WNT10A: variants seen among roughly 807,000 people sequenced by gnomAD.
WNT10A encodes protein Wnt-10a.
Under a neutral mutation model 36.1 loss-of-function variants are expected in WNT10A, and 37 were observed. The ratio of observed to expected loss-of-function variants is 1.02; its 90% CI spans 0.79 to 1.35. WNT10A has a LOEUF of 1.35. Ranked by LOEUF, WNT10A falls within the 40% of genes most tolerant of loss-of-function variation. The pLI is 0.00. For synonymous variants in WNT10A, 255 were observed against 254.1 expected, an observed-to-expected ratio of 1.00 and a Z score of -0.03; for missense variants, 613 against 601.4, an observed-to-expected ratio of 1.02 and a Z score of -0.20.
chr2:218,887,131 A>T (rs1381002763), intron 2 of WNT10A, among the ~76,000 whole-genome samples: 3 of 151,886 alleles, frequency 2.0e-5, no homozygotes, highest in Admixed American at 6.6e-5. Context: ...CAGCAGCAGG[A>T]CTCCCTTTGA....
At chr2:218,878,757 G>A (rs1175713320), upstream of WNT10A, among the ~76,000 whole-genome samples, 7 of 152,166 alleles carry the variant, frequency 4.6e-5, no homozygotes, top group Admixed American at 4.6e-4. This position sits in a 1 kb window ranked among gnomAD's most constrained non-coding sequence, Gnocchi z 4.1. Flanking sequence ...CTGATTATGA[G>A]TCCCTTCCCT....
chr2:218,882,153 G>A lies in WNT10A; in HGVS notation c.114-8G>A, dbSNP rs200446715. ...AACACGTACCCACTCCACCCCATAT[G>A]TCTGCAGGTCAGCACCCAATGACAT... On this transcript the variant is annotated splice_polypyrimidine_tract_variant and splice_region_variant and intron_variant, in intron 1 of 3. Coordinates refer to ENST00000258411, the MANE Select transcript of WNT10A (RefSeq NM_025216.3). 13 of 1,613,662 alleles carry A rather than the reference G, an allele frequency of 8.1e-6. No individual in the cohort carries two copies. Among genetic ancestry groups the A allele is most frequent in the Non-Finnish European group, 1.1e-5 (13 of 1,179,790 alleles).
chr2:218,878,227 C>T (rs1206491890), upstream of WNT10A, among the ~76,000 whole-genome samples: 1 of 152,012 alleles, frequency 6.6e-6, no homozygotes, highest in Non-Finnish European at 1.5e-5. The surrounding 1 kb of genome is among the most constrained non-coding windows in gnomAD (Gnocchi z 4.1). Flanking sequence ...CAGGGGCAGA[C>T]AGTCTCTGGG....
Position 218,882,227 on chromosome 2 carries a change from G to A in WNT10A, c.180G>A (p.Val60=). The change falls in exon 2 of 4, where the codon GTG becomes GTA. Residue 60 remains valine (V), a synonymous_variant. Coordinates refer to ENST00000258411, the MANE Select transcript of WNT10A (RefSeq NM_025216.3). ...PPEPVLNANT[V]CLTLPGLSRR... is the part of the protein sequence containing the mutation. ...AGCCCGTGCTCAATGCCAACACAGT[G>A]TGCCTAACATTGCCAGGCCTGAGCC... The A allele has an allele frequency of 6.2e-7, 1 of 1,614,160 alleles. No homozygotes were observed. Among genetic ancestry groups the A allele is most frequent in the Non-Finnish European group, 8.5e-7 (1 of 1,180,030 alleles).
intron 2 of WNT10A, among the ~76,000 whole-genome samples, chr2:218,888,154 G>A (rs991351020): frequency 2.0e-5 from 3 of 152,236 alleles, no homozygotes; most frequent in African/African-American, 4.8e-5. Flanking sequence ...GATTAAGGTG[G>A]GATTGGCCCA....
At chr2:218,889,389 G>A (rs983939040) in intron 2 of WNT10A, among the ~76,000 whole-genome samples, 4 of 152,212 alleles carry the variant, frequency 2.6e-5, no homozygotes, top group Non-Finnish European at 5.9e-5. Flanking sequence ...AAACATGCGT[G>A]TGCAAGTATC....
chr2:218,882,037 A>C (rs894854679), intron 1 of WNT10A, 124 bp from the exon 2 acceptor site: 361 of 1,342,786 alleles, frequency 2.7e-4, no homozygotes, highest in Non-Finnish European at 3.5e-4. Context: ...TGATGGGCCC[A>C]ACCTTCAGAA....
Position 218,882,318 on chromosome 2 carries a change from A to G in WNT10A, c.271A>G (p.Ile91Val). ...TGCCTCAGCCATACAGGGCATCCAGATCGCCATCCACGAATGCCAACACCA... is the reference window on the plus strand; with the variant it reads ...TGCCTCAGCCATACAGGGCATCCAGGTCGCCATCCACGAATGCCAACACCA... Reference protein sequence around the residue: ...VAASAIQGIQIAIHECQHQFR... With the variant: ...VAASAIQGIQVAIHECQHQFR... The change falls in exon 2 of 4, where the codon ATC becomes GTC. Residue 91 changes from isoleucine (I) to valine (V), a missense_variant. Transcript: ENST00000258411. 1 of 1,614,112 alleles carries G rather than the reference A, an allele frequency of 6.2e-7. No individual in the cohort carries two copies. Among genetic ancestry groups the G allele is most frequent in the Non-Finnish European group, 8.5e-7 (1 of 1,180,010 alleles).
Position 218,890,242 on chromosome 2 carries a change from G to T in WNT10A, c.635G>T (p.Gly212Val). Residue 212 changes from glycine to valine, a missense_variant, in exon 3 of 4, where the codon GGC becomes GTC. Coordinates refer to ENST00000258411, the MANE Select transcript of WNT10A (RefSeq NM_025216.3). ...SPGLQDSWEW[G>V]GCSPDMGFGE... ...GGCCTGCAGGACTCCTGGGAGTGGGGCGGCTGCAGCCCCGACATGGGCTTC... is the reference window on the plus strand; with the variant it reads ...GGCCTGCAGGACTCCTGGGAGTGGGTCGGCTGCAGCCCCGACATGGGCTTC... 1 of 1,613,704 alleles carries T rather than the reference G, an allele frequency of 6.2e-7. No homozygotes were observed.
chr2:218,881,257 C>G, intron 1 of WNT10A, 149 bp downstream of exon 1: 2 of 1,210,152 alleles, frequency 1.7e-6, no homozygotes, highest in Admixed American at 4.0e-5. Context: ...AGGCAGTGAG[C>G]TCCCTCATAG....
At position 218,893,379 on chromosome 2, in the gene WNT10A, G is replaced by A. The variant is rs190527122; in HGVS notation, c.*108G>A. 643 of 1,421,712 alleles carry A rather than the reference G, an allele frequency of 4.5e-4. 1 individual carries two copies. Among genetic ancestry groups the A allele is most frequent in the Admixed American group, 1.1e-3 (43 of 39,330 alleles). 88.1% of individuals were successfully genotyped at this position (1,421,712 alleles called of 1,614,324 possible). The stretch of plus-strand genomic sequence containing the variant: ...ATCGCCTTGGCTCTTGGGAAGAGGA[G>A]ATTGGACCACATGATCTTATAGGAA... On this transcript the variant is annotated 3_prime_UTR_variant, in exon 4 of 4. Coordinates refer to ENST00000258411, the MANE Select transcript of WNT10A (RefSeq NM_025216.3). The surrounding 1 kb of genome is among the most constrained non-coding windows in gnomAD (Gnocchi z 6.3).
chr2:218,883,775 C>T (rs1944547131), intron 2 of WNT10A: 1 of 151,730 alleles, frequency 6.6e-6, no homozygotes, highest in African/African-American at 2.4e-5. Flanking sequence ...TCCAGCCGTC[C>T]AGAAGCGGCT....
chr2:218,886,178 G>A lies in WNT10A; in HGVS notation c.376+3755G>A, dbSNP rs531633695. ...AGAGGTGAGCTGGTGCAATGGGGGA[G>A]CATGCCAAGAAGTGAAACTGATATG... On this transcript the variant is annotated intron_variant, in intron 2 of 3. Coordinates refer to ENST00000258411, the MANE Select transcript of WNT10A (RefSeq NM_025216.3). Among the ~76,000 whole-genome samples, 4 of 152,176 alleles carry A rather than the reference G, an allele frequency of 2.6e-5. No homozygotes were observed. The South Asian group carries it at 8.3e-4, about 32-fold the overall frequency.
At chr2:218,876,521 G>A (rs992073973), upstream of WNT10A, among the ~76,000 whole-genome samples, 1 of 152,108 alleles carries the variant, frequency 6.6e-6, no homozygotes, top group Non-Finnish European at 1.5e-5. Flanking sequence ...TTTCCTTTCT[G>A]CCTCCTCTTG....
At chr2:218,884,668 G>A (rs1180188469) in intron 2 of WNT10A, among the ~76,000 whole-genome samples, 1 of 152,136 alleles carries the variant, frequency 6.6e-6, no homozygotes, top group Non-Finnish European at 1.5e-5. Context: ...ATCCTCCTGG[G>A]GGGCAGTCAT....
rs1944529758 is a variant in WNT10A, at chr2:218,882,410, C to T, written c.363C>T (p.Pro121=). 2 of 1,614,162 alleles carry T rather than the reference C, an allele frequency of 1.2e-6. No individual in the cohort carries two copies. The highest frequency in any genetic ancestry group is 1.7e-6 in the Non-Finnish European group (2 of 1,180,014). ...ETRNKIPYES[P]IFSRGFRESA... is the part of the protein sequence containing the mutation. ...GCAACAAGATCCCCTATGAGAGTCCCATCTTCAGCAGAGGTAGCTGCCCCT... is the reference window on the plus strand; with the variant it reads ...GCAACAAGATCCCCTATGAGAGTCCTATCTTCAGCAGAGGTAGCTGCCCCT... The change falls in exon 2 of 4, where the codon CCC becomes CCT. Residue 121 remains proline, a synonymous_variant. Transcript: ENST00000258411.
chr2:218,892,876 G>C lies in WNT10A; in HGVS notation c.859G>C (p.Gly287Arg). Residue 287 changes from glycine (G) to arginine (R), a missense_variant, in exon 4 of 4, where the codon GGG becomes CGG. Coordinates refer to ENST00000258411, the MANE Select transcript of WNT10A (RefSeq NM_025216.3). ...GGTGACGCCCGAGTTCCGCACCGTG[G>C]GGGCGCTGCTGCGCAGCCGCTTCCA... is the stretch of plus-strand genomic sequence containing the variant. The part of the protein sequence containing the change: ...WQVTPEFRTV[G>R]ALLRSRFHRA... 6 of 1,574,846 alleles carry C rather than the reference G, an allele frequency of 3.8e-6. No homozygotes were observed. Among genetic ancestry groups the C allele is most frequent in the Non-Finnish European group, 5.2e-6 (6 of 1,162,914 alleles).
Position 218,890,130 on chromosome 2 carries a change from C to T in WNT10A, c.523C>T (p.His175Tyr), listed in dbSNP as rs1465812643. Residue 175 changes from histidine (H) to tyrosine (Y), a missense_variant, in exon 3 of 4, where the codon CAC becomes TAC. Coordinates refer to ENST00000258411, the MANE Select transcript of WNT10A (RefSeq NM_025216.3). Reference protein sequence around the residue: ...GDEEAFRRKLHRLQLDALQRG... With the variant: ...GDEEAFRRKLYRLQLDALQRG... ...CGAGGAGGCCTTCCGTAGGAAGCTG[C>T]ACCGCTTACAACTGGATGCACTGCA... 7 of 1,614,158 alleles carry T rather than the reference C, an allele frequency of 4.3e-6. No homozygotes were observed. Among genetic ancestry groups the T allele is most frequent in the African/African-American group, 1.3e-5 (1 of 75,052 alleles).
At chr2:218,890,747 T>G (rs1006914539) in intron 3 of WNT10A, among the ~76,000 whole-genome samples, 1 of 152,180 alleles carries the variant, frequency 6.6e-6, no homozygotes, top group African/African-American at 2.4e-5. Flanking sequence ...AGATCATCCC[T>G]AAGGTTCCCC....
Sources: gnomAD v4.1 joint callset for allele counts (sites outside exome capture counted in the v4.1 genomes callset) on GRCh38, gnomAD v4.1.1 for gene constraint, Gnocchi (gnomAD v3.1) non-coding constraint, MANE v1.5 for transcripts, NCBI Gene and HGNC (gene_info 2026-07-23, HGNC 2026-07-21) for gene names.